The following FAH variants were observed in gnomAD, a reference collection of about 807,000 sequenced individuals.
FAH encodes fumarylacetoacetate hydrolase.
FAH carries 47 observed loss-of-function variants against 55.8 expected under a neutral mutation model. The ratio of observed to expected loss-of-function variants is 0.84; its 90% CI spans 0.67 to 1.07. FAH has a LOEUF of 1.07. Among genes scored for constraint, FAH ranks in the 50% least tolerant of loss-of-function variants. The probability of loss-of-function intolerance (pLI) is 0.00; values close to 1 mark genes in which losing one functional copy is unlikely to be tolerated. For missense variants in FAH, 495 were observed against 545.9 expected (o/e 0.91, Z 0.93); for synonymous variants, 199 against 207.7 (o/e 0.96, Z 0.36).
intron 7 of FAH, among the ~76,000 whole-genome samples, chr15:80,170,008 G>A (rs910635804): frequency 6.6e-6 from 1 of 152,150 alleles, no homozygotes; most frequent in Non-Finnish European, 1.5e-5. Context: ...TGATACAGTC[G>A]GTCCCACCAC....
At chr15:80,168,641 G>A (rs1482098171) in intron 7 of FAH, among the ~76,000 whole-genome samples, 1 of 152,362 alleles carries the variant, frequency 6.6e-6, no homozygotes, top group South Asian at 2.1e-4. Context: ...GGTGAGGCTG[G>A]ACAAGGTGTT....
intron 2 of FAH, among the ~76,000 whole-genome samples, chr15:80,158,403 G>A (rs770806342): frequency 9.2e-5 from 14 of 152,212 alleles, no homozygotes; most frequent in Non-Finnish European, 1.8e-4. Context: ...TGAAAAAAGT[G>A]TCAGTGTCTG....
intron 13 of FAH, among the ~76,000 whole-genome samples, chr15:80,183,624 C>A (rs2041347895): frequency 1.3e-5 from 2 of 152,226 alleles, no homozygotes; most frequent in Non-Finnish European, 2.9e-5. Flanking sequence ...TCTCATTTCC[C>A]TGCTTGCTCT....
chr15:80,158,991 A>G (rs2041123881), intron 2 of FAH, among the ~76,000 whole-genome samples: 1 of 151,946 alleles, frequency 6.6e-6, no homozygotes, highest in Admixed American at 6.6e-5. Flanking sequence ...TAACCCCAGC[A>G]CTTTGGGAGG....
At chr15:80,182,846 T>C (rs1318583385) in intron 13 of FAH, among the ~76,000 whole-genome samples, 1 of 152,228 alleles carries the variant, frequency 6.6e-6, no homozygotes, top group Non-Finnish European at 1.5e-5. Flanking sequence ...TTCTGTGGAT[T>C]GAGTGAAAGC....
chr15:80,159,640 G>A (rs2041130059), intron 2 of FAH, 116 bp from the exon 3 acceptor site: 5 of 1,183,492 alleles, frequency 4.2e-6, no homozygotes, highest in Non-Finnish European at 5.1e-6. Flanking sequence ...CTGAGAGTTT[G>A]AGTTAGCGGG....
At chr15:80,175,491 G>T (rs1361962935) in intron 10 of FAH, among the ~76,000 whole-genome samples, 1 of 152,174 alleles carries the variant, frequency 6.6e-6, no homozygotes, top group East Asian at 1.9e-4. Flanking sequence ...TTGTGGGTCT[G>T]TTCGCTTGGC....
rs139268254 is a variant in FAH, at chr15:80,162,290, G to A, written c.409G>A (p.Val137Ile). ...FYSSRQHATN[V>I]GIMFRDKENA... ...TTCCTCTCGGCAGCATGCTACCAAC[G>A]TCGGAATCATGTTCAGGGACAAGGA... is the stretch of plus-strand genomic sequence containing the variant. Residue 137 changes from valine (V) to isoleucine (I), a missense_variant, in exon 5 of 14, where the codon GTC becomes ATC. Coordinates refer to ENST00000561421, the MANE Select transcript of FAH (RefSeq NM_000137.4). 8.7e-5 allele frequency: 141 copies of A among 1,614,102 alleles called. No homozygotes were observed. The highest frequency in any genetic ancestry group is 7.3e-4 in the African/African-American group (55 of 74,930).
At chr15:80,178,851 G>C (rs1310671940) in intron 11 of FAH, among the ~76,000 whole-genome samples, 3 of 152,110 alleles carry the variant, frequency 2.0e-5, no homozygotes, top group Non-Finnish European at 2.9e-5. Context: ...GCCTCCCAAA[G>C]TGCTGGGATT....
intron 2 of FAH, 120 bp from the exon 3 acceptor site, chr15:80,159,636 G>GT: frequency 8.6e-7 from 1 of 1,159,048 alleles, no homozygotes; most frequent in African/African-American, 1.5e-5. Context: ...GGTCCTGAGA[G>GT]TTTGAGTTAG....
intron 13 of FAH, among the ~76,000 whole-genome samples, chr15:80,184,220 G>T (rs1409815966): frequency 6.6e-6 from 1 of 152,142 alleles, no homozygotes; most frequent in South Asian, 2.1e-4. Context: ...TCTTTGATTT[G>T]TTGATAGTTA....
chr15:80,183,681 G>A (rs761644799), intron 13 of FAH, among the ~76,000 whole-genome samples: 2 of 152,170 alleles, frequency 1.3e-5, no homozygotes, highest in Non-Finnish European at 2.9e-5. Context: ...TTGGAAACGC[G>A]ATAGAACATT....
intron 7 of FAH, among the ~76,000 whole-genome samples, chr15:80,169,445 T>C (rs916183274): frequency 2.0e-5 from 3 of 152,214 alleles, no homozygotes; most frequent in African/African-American, 4.8e-5. Flanking sequence ...AAGAGTCAAG[T>C]GTATCAGCCC....
intron 1 of FAH, chr15:80,156,038 G>C: frequency 2.7e-6 from 1 of 371,678 alleles, no homozygotes; most frequent in South Asian, 2.1e-5. Flanking sequence ...GGGCAGGCCT[G>C]GATAATATCC....
At position 80,162,318 on chromosome 15, in the gene FAH, A is replaced by G. The variant is rs754012972; in HGVS notation, c.437A>G (p.Asn146Ser). The G allele has an allele frequency of 7.4e-6, 12 of 1,614,060 alleles. No individual in the cohort carries two copies. In the South Asian group the frequency reaches 1.1e-4, roughly 15 times the overall value. The change falls in exon 5 of 14, where the codon AAT becomes AGT. Residue 146 changes from asparagine to serine, a missense_variant. Physicochemically the swap from Asn to Ser is conservative, Grantham distance 46. Transcript: ENST00000561421. ...NVGIMFRDKE[N>S]ALMPNWLHLP... is the part of the protein sequence containing the mutation. ...GGAATCATGTTCAGGGACAAGGAGA[A>G]TGCGTTGATGCCAAATTGGTATGAA...
chr15:80,159,621 G>A, intron 2 of FAH, 135 bp from the exon 3 acceptor site: 2 of 1,018,026 alleles, frequency 2.0e-6, no homozygotes, highest in Non-Finnish European at 3.1e-6. Context: ...AAAACTAAGA[G>A]CAGAGGTCCT....
At chr15:80,175,147 T>A in intron 10 of FAH, 56 bp downstream of exon 10, 1 of 1,504,814 alleles carries the variant, frequency 6.6e-7, no homozygotes, top group South Asian at 1.1e-5. Context: ...TGTGCCTGTG[T>A]GCCTTGTCCT....
At chr15:80,183,671 T>C (rs1344927081) in intron 13 of FAH, among the ~76,000 whole-genome samples, 2 of 152,212 alleles carry the variant, frequency 1.3e-5, no homozygotes, top group African/African-American at 2.4e-5. Flanking sequence ...TTTCTAACCA[T>C]TGGAAACGCG....
intron 11 of FAH, among the ~76,000 whole-genome samples, chr15:80,178,085 G>A (rs1019717592): frequency 6.6e-6 from 1 of 152,018 alleles, no homozygotes; most frequent in Non-Finnish European, 1.5e-5. Flanking sequence ...CTGTGGTCCC[G>A]GCTACTTGGG....
Sources: gnomAD v4.1 joint callset for allele counts (sites outside exome capture counted in the v4.1 genomes callset) on GRCh38, gnomAD v4.1.1 for gene constraint, MANE v1.5 for transcripts, NCBI Gene and HGNC (gene_info 2026-07-23, HGNC 2026-07-21) for gene names.